PRICKLE2: variants seen among roughly 807,000 people sequenced by gnomAD.
PRICKLE2 encodes the protein prickle planar cell polarity protein 2.
A neutral mutation model predicts 81.4 loss-of-function variants in PRICKLE2; 21 were observed. That is an observed-to-expected ratio of 0.26 (90% confidence interval 0.18 to 0.37). The LOEUF is 0.37. Among genes scored for constraint, PRICKLE2 ranks in the 10% least tolerant of loss-of-function variants. PRICKLE2 has a pLI of 1.00. For synonymous variants in PRICKLE2, 456 were observed against 421.5 expected (o/e 1.08, Z -1.00); for missense variants, 940 against 1,109.0 (o/e 0.85, Z 2.16).
chr3:64,163,359 G>A, intron 2 of PRICKLE2: 1 of 574,400 alleles, frequency 1.7e-6, no homozygotes, highest in South Asian at 2.0e-5. Flanking sequence ...CTCTGTGAGG[G>A]AAAAATAAAG....
At chr3:64,171,088 A>T (rs542281568) in intron 2 of PRICKLE2, among the ~76,000 whole-genome samples, 1 of 151,950 alleles carries the variant, frequency 6.6e-6, no homozygotes, top group Non-Finnish European at 1.5e-5. Context: ...TGTTCCTTTC[A>T]CCTCATGGCC....
At position 64,095,027 on chromosome 3, in the gene PRICKLE2, T is replaced by C. The variant is rs191473926; in HGVS notation, c.*4024A>G. The C allele has an allele frequency of 1.3e-5, 2 of 152,808 alleles. No individual in the cohort carries two copies. The highest frequency in any genetic ancestry group is 3.9e-4 in the East Asian group (2 of 5,194). The allele number at this position is 152,808 out of a possible 1,614,324, so 9.5% of individuals were successfully genotyped here. On this transcript the variant is annotated 3_prime_UTR_variant, in exon 8 of 8. Transcript: ENST00000638394. ...CCTTCTTAGGCTTAAGCATCTGTTTTCTGCTAGAAATACACAAAGAACACT... is the reference window on the plus strand; with the variant it reads ...CCTTCTTAGGCTTAAGCATCTGTTTCCTGCTAGAAATACACAAAGAACACT...
intron 2 of PRICKLE2, among the ~76,000 whole-genome samples, chr3:64,192,502 G>A (rs992886884): frequency 6.6e-6 from 1 of 152,198 alleles, no homozygotes; most frequent in Non-Finnish European, 1.5e-5. Flanking sequence ...AGTTCTTTGA[G>A]GAGATACATT....
chr3:64,217,300 T>C (rs1470574595), intron 1 of PRICKLE2, among the ~76,000 whole-genome samples: 2 of 152,188 alleles, frequency 1.3e-5, no homozygotes, highest in Non-Finnish European at 2.9e-5. Flanking sequence ...AAAAAGACTA[T>C]TAAAACTTTA....
chr3:64,253,544 T>C (rs1055085620), intron 2 of PRICKLE2, among the ~76,000 whole-genome samples: 1 of 152,148 alleles, frequency 6.6e-6, no homozygotes, highest in Non-Finnish European at 1.5e-5. Context: ...CTACTCTAGA[T>C]GATGAATTGC....
chr3:64,258,934 G>T (rs1046928822), intron 2 of PRICKLE2, among the ~76,000 whole-genome samples: 1 of 151,394 alleles, frequency 6.6e-6, no homozygotes, highest in Admixed American at 6.6e-5. Context: ...GGTGCAAAAA[G>T]GGATTGTGGG....
intron 2 of PRICKLE2, among the ~76,000 whole-genome samples, chr3:64,242,469 A>G (rs1391637784): frequency 2.6e-5 from 4 of 152,234 alleles, no homozygotes; most frequent in African/African-American, 9.6e-5. Context: ...AAATACATAA[A>G]TCTTCAGCTT....
At chr3:64,252,036 A>G (rs566047639) in intron 2 of PRICKLE2, among the ~76,000 whole-genome samples, 2 of 152,262 alleles carry the variant, frequency 1.3e-5, no homozygotes, top group African/African-American at 2.4e-5. Context: ...GGGTGAATTC[A>G]CATTTTAATG....
chr3:64,183,219 G>A (rs1214706602), intron 2 of PRICKLE2, among the ~76,000 whole-genome samples: 1 of 152,096 alleles, frequency 6.6e-6, no homozygotes, highest in African/African-American at 2.4e-5. Flanking sequence ...AAGATATAAA[G>A]GGATGTTACA....
At chr3:64,246,593 C>T (rs936073448) in intron 2 of PRICKLE2, among the ~76,000 whole-genome samples, 2 of 152,158 alleles carry the variant, frequency 1.3e-5, no homozygotes, top group African/African-American at 4.8e-5. Flanking sequence ...GATTGTTGGG[C>T]CCGTGGACCA....
chr3:64,187,984 G>A (rs2078266530), intron 2 of PRICKLE2, among the ~76,000 whole-genome samples: 1 of 152,202 alleles, frequency 6.6e-6, no homozygotes, highest in African/African-American at 2.4e-5. Flanking sequence ...AGCATCTTGA[G>A]TTTTCCTTTA....
intron 2 of PRICKLE2, among the ~76,000 whole-genome samples, chr3:64,233,315 A>T (rs1470061969): frequency 6.6e-6 from 1 of 151,716 alleles, no homozygotes; most frequent in Non-Finnish European, 1.5e-5. Flanking sequence ...TGATTCTCTG[A>T]AAACAAACAT....
At chr3:64,259,265 A>C (rs897956269) in intron 2 of PRICKLE2, among the ~76,000 whole-genome samples, 1 of 152,188 alleles carries the variant, frequency 6.6e-6, no homozygotes, top group African/African-American at 2.4e-5. Context: ...ACAGTAAGCC[A>C]ATATTTACTT....
chr3:64,232,365 T>C (rs1184111903), intron 2 of PRICKLE2, among the ~76,000 whole-genome samples: 1 of 152,256 alleles, frequency 6.6e-6, no homozygotes, highest in Non-Finnish European at 1.5e-5. Context: ...ATGCTTCTTC[T>C]AATCTAGAAA....
chr3:64,265,986 C>T (rs2079700266), intron 2 of PRICKLE2, among the ~76,000 whole-genome samples: 1 of 151,910 alleles, frequency 6.6e-6, no homozygotes, highest in Non-Finnish European at 1.5e-5. Flanking sequence ...AAGTACAACC[C>T]CGAAAATAAA....
intron 6 of PRICKLE2, among the ~76,000 whole-genome samples, chr3:64,151,102 C>T (rs540980530): frequency 1.3e-4 from 20 of 152,320 alleles, no homozygotes; most frequent in Admixed American, 5.2e-4. Flanking sequence ...GCCCTAGCAA[C>T]GGCTGCCTGA....
intron 4 of PRICKLE2, 119 bp from the exon 5 acceptor site, chr3:64,157,484 AC>A: frequency 9.6e-7 from 1 of 1,038,844 alleles, no homozygotes; most frequent in Non-Finnish European, 1.5e-6. Flanking sequence ...CAAAGCAGTC[AC>A]TATGCTTCCT....
At chr3:64,169,037 T>C (rs2107058332) in intron 2 of PRICKLE2, among the ~76,000 whole-genome samples, 1 of 152,262 alleles carries the variant, frequency 6.6e-6, no homozygotes, top group East Asian at 1.9e-4. Flanking sequence ...AGCATCAATA[T>C]ACTCAGCTAA....
intron 2 of PRICKLE2, among the ~76,000 whole-genome samples, chr3:64,196,364 G>C (rs148340248): frequency 2.6e-3 from 396 of 152,242 alleles, no homozygotes; most frequent in Non-Finnish European, 4.3e-3. Context: ...AGAAGTTGTT[G>C]GAAATAAGGT....
Sources: allele counts gnomAD v4.1 joint callset (sites outside exome capture counted in the v4.1 genomes callset), GRCh38; gene constraint gnomAD v4.1.1; transcripts MANE v1.5; gene names NCBI Gene and HGNC (gene_info 2026-07-23, HGNC 2026-07-21).